The following DOCK3 variants were observed in gnomAD, a reference collection of about 807,000 sequenced individuals.
DOCK3 encodes the protein dedicator of cytokinesis protein 3.
In DOCK3, 60 loss-of-function variants were observed where a neutral mutation model predicts 265.6. That is an observed-to-expected ratio of 0.23 (90% CI 0.18 to 0.28). The LOEUF (loss-of-function observed/expected upper bound fraction) is 0.28. Among genes scored for constraint, DOCK3 ranks in the 10% least tolerant of loss-of-function variants. DOCK3 has a pLI of 1.00. For missense variants in DOCK3, 1,981 were observed against 2,594.3 expected (o/e 0.76, Z 5.14); for synonymous variants, 881 against 938.0 (o/e 0.94, Z 1.11).
intron 27 of DOCK3, among the ~76,000 whole-genome samples, chr3:51,290,165 C>A (rs190352665): frequency 1.3e-5 from 2 of 152,224 alleles, no homozygotes; most frequent in East Asian, 3.9e-4. Flanking sequence ...TACCATTTGA[C>A]GCAGCCATCC....
At chr3:50,727,654 C>T (rs1360147593) in intron 1 of DOCK3, among the ~76,000 whole-genome samples, 3 of 152,056 alleles carry the variant, frequency 2.0e-5, no homozygotes, top group South Asian at 2.1e-4. Flanking sequence ...GCCATGATTG[C>T]GCCACTGCAC....
intron 5 of DOCK3, among the ~76,000 whole-genome samples, chr3:51,029,540 TTC>T (rs1421009247): frequency 6.6e-6 from 1 of 152,178 alleles, no homozygotes; most frequent in Non-Finnish European, 1.5e-5. Flanking sequence ...AAAGAGATGA[TTC>T]TCTCTTCATG....
chr3:51,104,856 AC>A (rs2083220635), intron 9 of DOCK3, among the ~76,000 whole-genome samples: 2 of 152,266 alleles, frequency 1.3e-5, no homozygotes, highest in South Asian at 4.1e-4. Context: ...TGGTAGAATC[AC>A]AGCTCATTGC....
At chr3:51,202,526 A>G (rs2108030701) in intron 12 of DOCK3, among the ~76,000 whole-genome samples, 1 of 152,328 alleles carries the variant, frequency 6.6e-6, no homozygotes, top group East Asian at 1.9e-4. Context: ...GCAATAATCA[A>G]TAGCTTGCCA....
chr3:51,331,712 A>G (rs1425108111), intron 33 of DOCK3, among the ~76,000 whole-genome samples: 1 of 152,226 alleles, frequency 6.6e-6, no homozygotes, highest in African/African-American at 2.4e-5. Context: ...AATCCCAGCT[A>G]CTTGGGAGGC....
At chr3:50,773,276 A>C (rs781446911) in intron 1 of DOCK3, among the ~76,000 whole-genome samples, 1 of 152,176 alleles carries the variant, frequency 6.6e-6, no homozygotes, top group Non-Finnish European at 1.5e-5. Context: ...ACCATTTACA[A>C]GAATCAACTC....
intron 10 of DOCK3, among the ~76,000 whole-genome samples, chr3:51,155,097 G>A (rs1027395025): frequency 1.3e-5 from 2 of 151,760 alleles, no homozygotes; most frequent in Admixed American, 6.6e-5. Flanking sequence ...CTCCTGCCTC[G>A]GTCTCCTGAG....
At chr3:51,051,095 G>C (rs942560998) in intron 5 of DOCK3, among the ~76,000 whole-genome samples, 1 of 152,064 alleles carries the variant, frequency 6.6e-6, no homozygotes, top group Non-Finnish European at 1.5e-5. Context: ...ACCTTATTCA[G>C]AGTAACATGT....
At chr3:50,801,798 T>C (rs2043084627) in intron 2 of DOCK3, among the ~76,000 whole-genome samples, 1 of 152,240 alleles carries the variant, frequency 6.6e-6, no homozygotes, top group African/African-American at 2.4e-5. Flanking sequence ...GAGTGGAGTG[T>C]TGAAGTCCAC....
rs371294347 is a variant in DOCK3, at chr3:51,341,395, A to G, written c.3915+10A>G. The G allele has an allele frequency of 9.4e-5, 152 of 1,613,146 alleles. No individual in the cohort carries two copies. Among genetic ancestry groups the G allele is most frequent in the Middle Eastern group, 4.9e-4 (3 of 6,082 alleles). Reference sequence around the variant, plus strand: ...CTTCAACAAAGGCAAGGTATGCATCATTAGGCAAGCCCTTTAGCCCTTCAG... The same window carrying G: ...CTTCAACAAAGGCAAGGTATGCATCGTTAGGCAAGCCCTTTAGCCCTTCAG... On this transcript the variant is annotated intron_variant, in intron 38 of 52. Coordinates refer to ENST00000266037, the MANE Select transcript of DOCK3 (RefSeq NM_004947.5).
intron 9 of DOCK3, among the ~76,000 whole-genome samples, chr3:51,110,307 C>T (rs527714049): frequency 1.9e-4 from 29 of 152,228 alleles, no homozygotes; most frequent in African/African-American, 6.0e-4. Context: ...GAGACTCCTC[C>T]CCAACTCATT....
chr3:50,786,826 G>T, intron 2 of DOCK3: 3 of 741,760 alleles, frequency 4.0e-6, no homozygotes, highest in Non-Finnish European at 7.7e-6. Context: ...TGTGTAGCTG[G>T]TAATTGTACT....
chr3:51,171,703 G>A (rs976114063), intron 12 of DOCK3, among the ~76,000 whole-genome samples: 8 of 145,748 alleles, frequency 5.5e-5, no homozygotes, highest in Non-Finnish European at 1.0e-4. Context: ...GCGACAGAGC[G>A]AGACTCCATC....
intron 12 of DOCK3, among the ~76,000 whole-genome samples, chr3:51,205,011 T>C (rs1269990937): frequency 2.2e-4 from 33 of 149,706 alleles, no homozygotes; most frequent in African/African-American, 8.1e-4. Flanking sequence ...CTCTGGGGAC[T>C]GTTGTGGGGT....
At chr3:51,196,212 A>G (rs1439768078) in intron 12 of DOCK3, among the ~76,000 whole-genome samples, 2 of 152,054 alleles carry the variant, frequency 1.3e-5, no homozygotes, top group African/African-American at 4.8e-5. Flanking sequence ...CTGTGATTAC[A>G]GGCATGAGCC....
In DOCK3 at chr3:51,357,157, A is replaced by G; in HGVS notation, c.4683+16A>G. On this transcript the variant is annotated intron_variant, in intron 44 of 52. Coordinates refer to ENST00000266037, the MANE Select transcript of DOCK3 (RefSeq NM_004947.5). ...CTATCAGGAGGTAAGCTGTGGCCAC[A>G]GGCCAAACCCATGCAGCCAGCCTGG... The G allele has an allele frequency of 6.2e-7, 1 of 1,603,374 alleles. No homozygotes were observed. The highest frequency in any genetic ancestry group is 8.5e-7 in the Non-Finnish European group (1 of 1,174,370).
At position 51,227,928 on chromosome 3, in the gene DOCK3, A is replaced by G. The variant is rs927409787; in HGVS notation, c.1541-54A>G. 1.9e-6 allele frequency: 3 copies of G among 1,555,066 alleles called. No homozygotes were observed. In the African/African-American group the frequency reaches 4.1e-5, roughly 21 times the overall value. On this transcript the variant is annotated intron_variant, in intron 16 of 52. Coordinates refer to ENST00000266037, the MANE Select transcript of DOCK3 (RefSeq NM_004947.5). ...GGTGATAAGCACAAGGAGAATTTCC[A>G]TGAGGAAGCAGAGTGGAAGGCAAAA...
chr3:51,276,670 A>G (rs1193190616), intron 25 of DOCK3, among the ~76,000 whole-genome samples: 3 of 152,170 alleles, frequency 2.0e-5, no homozygotes, highest in Admixed American at 6.5e-5. Context: ...CTGAAGCTCA[A>G]TGAGAGCAGA....
chr3:51,375,770 T>C lies in DOCK3; in HGVS notation c.5435T>C (p.Leu1812Pro). The C allele has an allele frequency of 1.9e-6, 3 of 1,614,024 alleles. No individual in the cohort carries two copies. Among genetic ancestry groups the C allele is most frequent in the Non-Finnish European group, 2.5e-6 (3 of 1,179,898 alleles). Residue 1812 changes from leucine to proline, a missense_variant, in exon 51 of 53, where the codon CTG becomes CCG. Leu to Pro is a moderately conservative substitution (Grantham distance 98, BLOSUM62 -3). Coordinates refer to ENST00000266037, the MANE Select transcript of DOCK3 (RefSeq NM_004947.5). ...CAGCCGCCGAATTTCCAGCGAGCCC[T>C]GTTCCAGCAAGTGGTCGGAGCCTGC... ...NGQPPNFQRA[L>P]FQQVVGACKP... is the part of the protein sequence containing the mutation.
Sources: gnomAD v4.1 joint callset for allele counts (sites outside exome capture counted in the v4.1 genomes callset) on GRCh38, gnomAD v4.1.1 for gene constraint, MANE v1.5 for transcripts, NCBI Gene and HGNC (gene_info 2026-07-23, HGNC 2026-07-21) for gene names.